CTNNAL1: variants seen among roughly 807,000 people sequenced by gnomAD.
CTNNAL1 encodes catenin alpha like 1, also known as alpha-catulin.
Under a neutral mutation model 93.6 loss-of-function variants are expected in CTNNAL1, and 69 were observed. The ratio of observed to expected loss-of-function variants is 0.74; its 90% CI spans 0.61 to 0.90. CTNNAL1 has a LOEUF of 0.90. Ranked by LOEUF, CTNNAL1 falls within the 40% of genes least tolerant of loss-of-function variation. CTNNAL1 has a pLI of 0.00. For synonymous variants in CTNNAL1, 286 were observed against 305.4 expected, an observed-to-expected ratio of 0.94 and a Z score of 0.66; for missense variants, 836 against 862.0, an observed-to-expected ratio of 0.97 and a Z score of 0.38.
intron 11 of CTNNAL1, among the ~76,000 whole-genome samples, chr9:108,957,324 G>C (rs1333533355): frequency 6.6e-6 from 1 of 151,898 alleles, no homozygotes; most frequent in East Asian, 1.9e-4. Context: ...TCACTGTGTT[G>C]CCCAGGATGG....
intron 4 of CTNNAL1, 57 bp downstream of exon 4, chr9:108,990,669 A>G (rs28361119): frequency 0.057 from 88,637 of 1,557,056 alleles, 2,992 homozygotes; most frequent in Non-Finnish European, 0.067. Flanking sequence ...TCATACCTCC[A>G]TCCAAACTAA....
At chr9:108,968,496 A>G (rs545676441) in intron 10 of CTNNAL1, among the ~76,000 whole-genome samples, 19 of 152,374 alleles carry the variant, frequency 1.2e-4, no homozygotes, top group African/African-American at 3.6e-4. Context: ...AACTGATTGC[A>G]TATGGCAGGA....
chr9:109,009,776 A>C (rs1051499880), intron 1 of CTNNAL1, among the ~76,000 whole-genome samples: 3 of 152,218 alleles, frequency 2.0e-5, no homozygotes, highest in African/African-American at 7.2e-5. Context: ...CAATAGGGAT[A>C]ACTGATATGT....
chr9:108,983,171 T>C lies in CTNNAL1; in HGVS notation c.874A>G (p.Ile292Val). ...NGETDISSIS[I>V]FTGIKEFKMN... is the part of the protein sequence containing the mutation. ...TTGAATTCCTTAATTCCAGTAAAAA[T>C]ACTGATAGATGAAATGTCAGTCTCT... The change falls in exon 6 of 19, where the codon ATT becomes GTT. Residue 292 changes from isoleucine (I) to valine (V), a missense_variant. Coordinates refer to ENST00000325551, the MANE Select transcript of CTNNAL1 (RefSeq NM_003798.4). 1.3e-6 allele frequency: 2 copies of C among 1,558,674 alleles called. No individual in the cohort carries two copies. The highest frequency in any genetic ancestry group is 1.3e-5 in the South Asian group (1 of 79,758).
chr9:108,960,427 A>T (rs527660151), intron 11 of CTNNAL1, among the ~76,000 whole-genome samples: 1 of 152,270 alleles, frequency 6.6e-6, no homozygotes, highest in African/African-American at 2.4e-5. Flanking sequence ...TTACCCACGA[A>T]CATGTTTATC....
At chr9:108,996,416 G>GCTT (rs1564146923) in intron 2 of CTNNAL1, among the ~76,000 whole-genome samples, 1 of 152,156 alleles carries the variant, frequency 6.6e-6, no homozygotes, top group African/African-American at 2.4e-5. Context: ...AGAAAAAAAG[G>GCTT]CTTCTATATT....
intron 4 of CTNNAL1, 39 bp downstream of exon 4, chr9:108,990,687 G>A: frequency 6.3e-7 from 1 of 1,590,162 alleles, no homozygotes; most frequent in Non-Finnish European, 8.6e-7. Flanking sequence ...TAAAAAGTAT[G>A]TATTTATCTG....
At chr9:108,975,067 G>A (rs1423655237) in intron 8 of CTNNAL1, among the ~76,000 whole-genome samples, 1 of 152,228 alleles carries the variant, frequency 6.6e-6, no homozygotes, top group East Asian at 1.9e-4. Flanking sequence ...GGAGGCTGAG[G>A]CATGAGAATC....
chr9:108,986,797 C>T, intron 4 of CTNNAL1, among the ~76,000 whole-genome samples: 2 of 152,190 alleles, frequency 1.3e-5, no homozygotes, highest in South Asian at 2.1e-4. Context: ...AGCATTTTTT[C>T]ATGTGTCTTT....
intron 8 of CTNNAL1, 31 bp from the exon 9 acceptor site, chr9:108,972,864 G>GGGGGGGGGGGGGGGGGGGCCCCC: frequency 7.0e-6 from 1 of 142,588 alleles, no homozygotes. Context: ...GGGGGGGTGG[G>GGGGGGGGGGGGGGGGGGGCCCCC]AGGGTGGAGA....
intron 4 of CTNNAL1, among the ~76,000 whole-genome samples, chr9:108,988,917 C>A (rs1263518360): frequency 2.6e-5 from 4 of 152,088 alleles, no homozygotes; most frequent in Admixed American, 2.6e-4. Context: ...TTTGACTATT[C>A]TAAAGGAGAA....
chr9:108,973,308 A>G (rs1258636249), intron 8 of CTNNAL1, among the ~76,000 whole-genome samples: 2 of 152,200 alleles, frequency 1.3e-5, no homozygotes, highest in African/African-American at 4.8e-5. Context: ...TACTAAGAAA[A>G]TTGGCACTTT....
intron 4 of CTNNAL1, among the ~76,000 whole-genome samples, chr9:108,985,983 T>C (rs1831591704): frequency 6.6e-6 from 1 of 151,978 alleles, no homozygotes; most frequent in Non-Finnish European, 1.5e-5. Flanking sequence ...CAGAAGTATT[T>C]TCCCAGACTT....
intron 13 of CTNNAL1, 24 bp from the exon 14 acceptor site, chr9:108,952,387 C>A: frequency 6.2e-7 from 1 of 1,614,114 alleles, no homozygotes. Flanking sequence ...GTTTTAATCA[C>A]AACGACTTTA....
At chr9:108,990,640 G>A in intron 4 of CTNNAL1, 86 bp downstream of exon 4, 1 of 1,474,258 alleles carries the variant, frequency 6.8e-7, no homozygotes, top group South Asian at 1.4e-5. Flanking sequence ...AAAGAAACCA[G>A]TCCAAACAAT....
intron 11 of CTNNAL1, among the ~76,000 whole-genome samples, chr9:108,961,573 G>A: frequency 6.6e-6 from 1 of 152,098 alleles, no homozygotes; most frequent in South Asian, 2.1e-4. Flanking sequence ...GGAAGTTTGG[G>A]TAATGCTGAT....
chr9:108,995,023 T>TA (rs1831963557), intron 2 of CTNNAL1, among the ~76,000 whole-genome samples: 1 of 152,214 alleles, frequency 6.6e-6, no homozygotes, highest in Non-Finnish European at 1.5e-5. Context: ...CACTGACCGC[T>TA]ACCTCATGAG....
chr9:108,999,664 T>C (rs1201337702), intron 1 of CTNNAL1, among the ~76,000 whole-genome samples: 2 of 152,242 alleles, frequency 1.3e-5, no homozygotes, highest in Non-Finnish European at 2.9e-5. Flanking sequence ...TCCTCTCCAT[T>C]CCACTCCGTT....
chr9:108,992,085 A>T (rs1050167757), intron 3 of CTNNAL1: 2 of 767,846 alleles, frequency 2.6e-6, no homozygotes, highest in African/African-American at 3.4e-5. Context: ...GGGAGGGAAA[A>T]AAAGTACAGA....
Sources: allele counts gnomAD v4.1 joint callset (sites outside exome capture counted in the v4.1 genomes callset), GRCh38; gene constraint gnomAD v4.1.1; transcripts MANE v1.5; gene names NCBI Gene and HGNC (gene_info 2026-07-23, HGNC 2026-07-21).